GSE1: variants seen among roughly 807,000 people sequenced by gnomAD.
The protein encoded by GSE1 is Gse1 coiled-coil protein.
In GSE1, 32 loss-of-function variants were observed where a neutral mutation model predicts 112.6. The observed-to-expected ratio is 0.28, with a 90% CI of 0.21 to 0.38. GSE1 has a LOEUF of 0.38. Ranked by LOEUF, GSE1 falls within the 10% of genes least tolerant of loss-of-function variation. The probability of loss-of-function intolerance (pLI) is 1.00; values close to 1 mark genes in which losing one functional copy is unlikely to be tolerated. For missense variants in GSE1, 2,348 were observed against 1,699.2 expected, an observed-to-expected ratio of 1.38 and a Z score of -6.71; for synonymous variants, 1,115 against 735.6, an observed-to-expected ratio of 1.52 and a Z score of -8.35.
At chr16:85,626,609 C>T (rs922677843) in intron 1 of GSE1, among the ~76,000 whole-genome samples, 1 of 152,148 alleles carries the variant, frequency 6.6e-6, no homozygotes. Flanking sequence ...AATTACCCCA[C>T]GGGGGGCTGT....
intron 1 of GSE1, among the ~76,000 whole-genome samples, chr16:85,318,805 C>G (rs536772103): frequency 2.0e-5 from 3 of 152,296 alleles, no homozygotes; most frequent in African/African-American, 7.2e-5. Context: ...GGTAGTGTCG[C>G]AGGAGACACA....
chr16:85,540,960 C>T (rs966467386), intron 2 of GSE1, among the ~76,000 whole-genome samples: 19 of 152,148 alleles, frequency 1.2e-4, no homozygotes, highest in African/African-American at 4.3e-4. Context: ...GTTGGTTTTA[C>T]TGGCCATTAT....
intron 2 of GSE1, among the ~76,000 whole-genome samples, chr16:85,544,577 G>A (rs1208913336): frequency 3.3e-5 from 5 of 152,180 alleles, no homozygotes; most frequent in East Asian, 3.9e-4. Flanking sequence ...TAAAAAGCTC[G>A]CACCCAGCAT....
intron 1 of GSE1, among the ~76,000 whole-genome samples, chr16:85,307,650 G>T (rs1012219208): frequency 2.0e-5 from 3 of 152,168 alleles, no homozygotes; most frequent in Non-Finnish European, 2.9e-5. Context: ...CAGCCTCGGT[G>T]TCCAGAGTCT....
At chr16:85,547,760 A>C (rs930809695) in intron 2 of GSE1, among the ~76,000 whole-genome samples, 1 of 151,746 alleles carries the variant, frequency 6.6e-6, no homozygotes, top group South Asian at 2.1e-4. Context: ...ATGTGCCTGT[A>C]ATCAGCTACT....
intron 2 of GSE1, among the ~76,000 whole-genome samples, chr16:85,463,863 C>T (rs1041481228): frequency 2.6e-5 from 4 of 152,104 alleles, no homozygotes; most frequent in Non-Finnish European, 4.4e-5. Context: ...GGCGGTGGGC[C>T]ACTGAGGTCC....
intron 7 of GSE1, among the ~76,000 whole-genome samples, chr16:85,656,885 T>A (rs1567738671): frequency 6.6e-6 from 1 of 152,248 alleles, no homozygotes; most frequent in Non-Finnish European, 1.5e-5. Context: ...AGTTGTGAAA[T>A]GTAGCCGGGG....
chr16:85,550,936 TTC>T (rs528226985), intron 2 of GSE1, among the ~76,000 whole-genome samples: 1 of 152,336 alleles, frequency 6.6e-6, no homozygotes, highest in East Asian at 1.9e-4. Context: ...TGAAGCAGTT[TTC>T]TCTCTTTTTC....
Position 85,672,510 on chromosome 16 carries a change from A to C in GSE1, c.3625A>C (p.Arg1209=), listed in dbSNP as rs754549594. Residue 1209 remains arginine, a synonymous_variant, in exon 16 of 16, where the codon AGG becomes CGG. Coordinates refer to ENST00000253458, the MANE Select transcript of GSE1 (RefSeq NM_014615.5). The stretch of plus-strand genomic sequence containing the variant: ...TGCCTTGCCTGCAATGCACTGGCCT[A>C]GGGGCTACCTGAAGGGATATCCCAG... ...CLALPAMHWP[R]GYLKGYPR is the part of the protein sequence containing the mutation. 4 of 1,611,478 alleles carry C rather than the reference A, an allele frequency of 2.5e-6. No homozygotes were observed. In the Admixed American group the frequency reaches 6.7e-5, roughly 27 times the overall value.
intron 2 of GSE1, among the ~76,000 whole-genome samples, chr16:85,641,719 T>A (rs1408338829): frequency 6.6e-6 from 1 of 152,210 alleles, no homozygotes; most frequent in Admixed American, 6.5e-5. Flanking sequence ...GGGGGGCTGA[T>A]TGGCTCTTTC....
intron 1 of GSE1, among the ~76,000 whole-genome samples, chr16:85,565,201 C>G (rs971820195): frequency 6.6e-6 from 1 of 151,934 alleles, no homozygotes; most frequent in African/African-American, 2.4e-5. Flanking sequence ...ACCAGCCTGA[C>G]CAACATGATG....
chr16:85,595,327 T>C (rs2047176528), intron 1 of GSE1: 1 of 152,308 alleles, frequency 6.6e-6, no homozygotes, highest in South Asian at 2.1e-4. Context: ...GCATCCTTTC[T>C]CTGCATCCTT....
chr16:85,505,310 C>T (rs2051502499), intron 2 of GSE1, among the ~76,000 whole-genome samples: 2 of 152,224 alleles, frequency 1.3e-5, no homozygotes, highest in South Asian at 2.1e-4. Context: ...AGACCACTTC[C>T]AGCCCCAACC....
intron 1 of GSE1, among the ~76,000 whole-genome samples, chr16:85,291,476 C>T (rs1192488082): frequency 6.6e-6 from 1 of 152,232 alleles, no homozygotes; most frequent in Non-Finnish European, 1.5e-5. Flanking sequence ...CCAGCCTCCT[C>T]CCCCGGCCCC....
At chr16:85,466,024 C>G (rs1552267) in intron 2 of GSE1, among the ~76,000 whole-genome samples, 122,784 of 152,230 alleles carry the variant, frequency 0.81, 49,810 homozygotes, top group East Asian at 0.98. Flanking sequence ...TCATTGGCAG[C>G]GGTGTGGACC....
intron 2 of GSE1, among the ~76,000 whole-genome samples, chr16:85,367,908 G>C (rs1253859351): frequency 7.1e-6 from 1 of 140,338 alleles, no homozygotes; most frequent in African/African-American, 2.6e-5. Flanking sequence ...AGAGTGCAAT[G>C]GCATGATCTC....
At position 85,675,083 on chromosome 16, in the gene GSE1, C is replaced by T. The variant is rs888056318; in HGVS notation, c.*2544C>T. The T allele has an allele frequency of 1.3e-5, 2 of 152,288 alleles. No homozygotes were observed. The highest frequency in any genetic ancestry group is 4.8e-5 in the African/African-American group (2 of 41,448). 9.4% of individuals were successfully genotyped at this position (152,288 alleles called of 1,614,324 possible). On this transcript the variant is annotated 3_prime_UTR_variant, in exon 16 of 16. Transcript: ENST00000253458. ...GTTTCATACTTTGAAAACTTACTTT[C>T]AGATTATTCTCAAAGAACACAGTAG...
At chr16:85,529,093 G>A (rs943392641) in intron 2 of GSE1, among the ~76,000 whole-genome samples, 4 of 152,224 alleles carry the variant, frequency 2.6e-5, no homozygotes, top group Non-Finnish European at 5.9e-5. Context: ...CAGGAGGCCA[G>A]TGAGGCGGCG....
chr16:85,272,162 C>T (rs1402763336), intron 1 of GSE1, among the ~76,000 whole-genome samples: 1 of 152,232 alleles, frequency 6.6e-6, no homozygotes, highest in East Asian at 1.9e-4. Flanking sequence ...GAAGCCTAGG[C>T]TCCCTTTTCT....
Sources: gnomAD v4.1 joint callset for allele counts (sites outside exome capture counted in the v4.1 genomes callset) on GRCh38, gnomAD v4.1.1 for gene constraint, MANE v1.5 for transcripts, NCBI Gene and HGNC (gene_info 2026-07-23, HGNC 2026-07-21) for gene names.